MAML2: variants seen among roughly 807,000 people sequenced by gnomAD.
MAML2 encodes mastermind-like protein 2.
Under a neutral mutation model 96.1 loss-of-function variants are expected in MAML2, and 22 were observed. The observed-to-expected ratio is 0.23, with a 90% CI of 0.16 to 0.33. The LOEUF (loss-of-function observed/expected upper bound fraction) is 0.33, where lower values mean the gene tolerates loss of function less well. Among genes scored for constraint, MAML2 ranks in the 10% least tolerant of loss-of-function variants. The pLI is 1.00. For synonymous variants in MAML2, 561 were observed against 521.3 expected, an observed-to-expected ratio of 1.08 and a Z score of -1.04; for missense variants, 1,367 against 1,392.4, an observed-to-expected ratio of 0.98 and a Z score of 0.29.
intron 2 of MAML2, among the ~76,000 whole-genome samples, chr11:95,998,910 C>T (rs1305903310): frequency 6.6e-6 from 1 of 152,174 alleles, no homozygotes; most frequent in Non-Finnish European, 1.5e-5. Context: ...ATGGGAAGTA[C>T]TAGCTCACTG....
intron 2 of MAML2, among the ~76,000 whole-genome samples, chr11:96,023,277 C>T (rs1014223133): frequency 2.6e-5 from 4 of 152,218 alleles, no homozygotes; most frequent in Non-Finnish European, 4.4e-5. Flanking sequence ...GGAGAAGCTG[C>T]AGACGGCATT....
At chr11:96,198,167 A>G (rs1861758525) in intron 1 of MAML2, among the ~76,000 whole-genome samples, 2 of 152,196 alleles carry the variant, frequency 1.3e-5, no homozygotes, top group African/African-American at 2.4e-5. Context: ...AGCCAGGAAG[A>G]CATGTTAGAA....
intron 1 of MAML2, among the ~76,000 whole-genome samples, chr11:96,254,256 A>G (rs1770803543): frequency 6.6e-6 from 1 of 152,196 alleles, no homozygotes; most frequent in South Asian, 2.1e-4. Context: ...AGTCACACAC[A>G]CAAACCTCAG....
At chr11:96,310,635 TTTA>T (rs1863528964) in intron 1 of MAML2, among the ~76,000 whole-genome samples, 1 of 152,244 alleles carries the variant, frequency 6.6e-6, no homozygotes, top group African/African-American at 2.4e-5. Context: ...GTGTCAGTAA[TTTA>T]TAACATGCTT....
chr11:96,208,985 A>G (rs1209700357), intron 1 of MAML2, among the ~76,000 whole-genome samples: 2 of 152,198 alleles, frequency 1.3e-5, no homozygotes, highest in African/African-American at 2.4e-5. Flanking sequence ...AATGTGGTCC[A>G]GAAGACCTCC....
At chr11:96,140,918 A>G (rs1365797225) in intron 1 of MAML2, among the ~76,000 whole-genome samples, 4 of 152,124 alleles carry the variant, frequency 2.6e-5, no homozygotes, top group Non-Finnish European at 5.9e-5. Flanking sequence ...AAATGGCTTT[A>G]TTTGCTGCTT....
chr11:96,287,792 T>G (rs1173678389), intron 1 of MAML2, among the ~76,000 whole-genome samples: 1 of 152,234 alleles, frequency 6.6e-6, no homozygotes. Flanking sequence ...AATACTCTTC[T>G]GCTACATTCT....
At chr11:95,985,144 A>G (rs1376893944) in intron 4 of MAML2, among the ~76,000 whole-genome samples, 1 of 152,224 alleles carries the variant, frequency 6.6e-6, no homozygotes, top group African/African-American at 2.4e-5. Flanking sequence ...GATGGGCTCA[A>G]TGGTGGATAC....
intron 1 of MAML2, among the ~76,000 whole-genome samples, chr11:96,283,845 T>A (rs1231013929): frequency 1.3e-5 from 2 of 152,232 alleles, no homozygotes; most frequent in East Asian, 3.8e-4. Context: ...AAACAAAAAT[T>A]TGAGATTTTT....
At chr11:96,252,302 G>T in intron 1 of MAML2, among the ~76,000 whole-genome samples, 1 of 151,820 alleles carries the variant, frequency 6.6e-6, no homozygotes, top group East Asian at 1.9e-4. Flanking sequence ...ACAGTGAATA[G>T]TTACCTTCTA....
intron 1 of MAML2, among the ~76,000 whole-genome samples, chr11:96,254,559 G>T (rs1021415864): frequency 6.6e-6 from 1 of 151,326 alleles, no homozygotes; most frequent in African/African-American, 2.4e-5. Flanking sequence ...TGATATTCTG[G>T]CTTTACATTG....
At chr11:96,239,316 G>A (rs976812416) in intron 1 of MAML2, among the ~76,000 whole-genome samples, 1 of 152,216 alleles carries the variant, frequency 6.6e-6, no homozygotes, top group East Asian at 1.9e-4. Context: ...GATGGCAGTA[G>A]AAGAGACGGA....
intron 2 of MAML2, among the ~76,000 whole-genome samples, chr11:96,058,060 A>G (rs1859097002): frequency 6.6e-6 from 1 of 152,246 alleles, no homozygotes; most frequent in Non-Finnish European, 1.5e-5. Flanking sequence ...CAGAGCCAGG[A>G]AGGCCTCAAG....
At chr11:96,279,494 C>G (rs1455904583) in intron 1 of MAML2, among the ~76,000 whole-genome samples, 1 of 151,920 alleles carries the variant, frequency 6.6e-6, no homozygotes, top group Non-Finnish European at 1.5e-5. Flanking sequence ...TTACAAGGGA[C>G]TATGCAGTAT....
chr11:96,197,936 G>T (rs1861754897), intron 1 of MAML2, among the ~76,000 whole-genome samples: 1 of 152,164 alleles, frequency 6.6e-6, no homozygotes, highest in Non-Finnish European at 1.5e-5. Context: ...CATAATCAAA[G>T]TTCTGGACAG....
chr11:96,260,326 C>G (rs1862730111), intron 1 of MAML2, among the ~76,000 whole-genome samples: 1 of 152,170 alleles, frequency 6.6e-6, no homozygotes, highest in Non-Finnish European at 1.5e-5. Context: ...AACAGGAGTT[C>G]CTTCTAAAAC....
At chr11:95,981,455 A>G (rs1857735980) in intron 4 of MAML2, among the ~76,000 whole-genome samples, 2 of 152,238 alleles carry the variant, frequency 1.3e-5, no homozygotes, top group Admixed American at 6.5e-5. Context: ...ACACATAAGA[A>G]TATCACAATG....
intron 1 of MAML2, among the ~76,000 whole-genome samples, chr11:96,214,963 G>C (rs951526145): frequency 6.6e-6 from 1 of 152,216 alleles, no homozygotes; most frequent in Non-Finnish European, 1.5e-5. Context: ...CATGTGCCTC[G>C]TCTAGTTGAC....
intron 2 of MAML2, among the ~76,000 whole-genome samples, chr11:96,002,987 GTGATGATGAGGA>G (rs1591085668): frequency 7.3e-6 from 1 of 137,244 alleles, no homozygotes; most frequent in African/African-American, 2.7e-5. Context: ...GATGATGATG[GTGATGATGAGGA>G]TGATGATGGG....
Sources: gnomAD v4.1 joint callset for allele counts (sites outside exome capture counted in the v4.1 genomes callset) on GRCh38, gnomAD v4.1.1 for gene constraint, MANE v1.5 for transcripts, NCBI Gene and HGNC (gene_info 2026-07-23, HGNC 2026-07-21) for gene names.